The following SMU1 variants were observed in gnomAD, a reference collection of about 807,000 sequenced individuals.
SMU1 encodes the protein WD40 repeat-containing protein SMU1.
In SMU1, 2 loss-of-function variants were observed where a neutral mutation model predicts 62.0. That is an observed-to-expected ratio of 0.03 (90% CI 0.01 to 0.10). The LOEUF (loss-of-function observed/expected upper bound fraction) is 0.10. Ranked by LOEUF, SMU1 falls within the 10% of genes least tolerant of loss-of-function variation. The pLI is 1.00. For synonymous variants in SMU1, 188 were observed against 212.4 expected (o/e 0.89, Z 1.00); for missense variants, 227 against 622.1 (o/e 0.36, Z 6.76).
Position 33,043,512 on chromosome 9 carries a change from A to C in SMU1, c.*3781T>G, listed in dbSNP as rs1016194579. On this transcript the variant is annotated 3_prime_UTR_variant, in exon 12 of 12. Coordinates refer to ENST00000397149, the MANE Select transcript of SMU1 (RefSeq NM_018225.3). ...TGTCTATCACGTGACACTTGTAAGA[A>C]CCACTGTTCTAGCACAAGCCAAAAG... is the stretch of plus-strand genomic sequence containing the variant. 6.6e-6 allele frequency: 1 copy of C among 152,218 alleles called. No individual in the cohort carries two copies. The highest frequency in any genetic ancestry group is 1.9e-4 in the East Asian group (1 of 5,202). The allele number at this position is 152,218 out of a possible 1,614,324, so 9.4% of individuals were successfully genotyped here.
intron 4 of SMU1, among the ~76,000 whole-genome samples, chr9:33,062,761 T>C (rs959028371): frequency 6.6e-6 from 1 of 152,208 alleles, no homozygotes; most frequent in African/African-American, 2.4e-5. Context: ...GCAATGAACA[T>C]CTTTGGACAT....
At chr9:33,056,017 C>T in intron 9 of SMU1, 96 bp downstream of exon 9, 1 of 1,278,954 alleles carries the variant, frequency 7.8e-7, no homozygotes, top group Non-Finnish European at 1.1e-6. Flanking sequence ...AAGAGGTTTA[C>T]TACAGCACAA....
chr9:33,062,031 A>C lies in SMU1; in HGVS notation c.630+18T>G, dbSNP rs1564022847. ...TCAACAAATGATTACTGACTGGCTG[A>C]ATGTCTTAGGATCCTACCTTAATAT... On this transcript the variant is annotated intron_variant, in intron 5 of 11. Transcript: ENST00000397149. 6.2e-7 allele frequency: 1 copy of C among 1,611,588 alleles called. No individual in the cohort carries two copies. The highest frequency in any genetic ancestry group is 1.7e-5 in the Admixed American group (1 of 59,892).
At chr9:33,053,577 C>G (rs1294007210) in intron 9 of SMU1, among the ~76,000 whole-genome samples, 3 of 152,190 alleles carry the variant, frequency 2.0e-5, no homozygotes, top group African/African-American at 7.2e-5. Flanking sequence ...TGCACATCCT[C>G]CTGTATGCTT....
chr9:33,064,182 G>A (rs1839394226), intron 4 of SMU1, among the ~76,000 whole-genome samples: 2 of 152,026 alleles, frequency 1.3e-5, no homozygotes, highest in Non-Finnish European at 2.9e-5. Flanking sequence ...CTGCAGCCTT[G>A]AACTCCTGGG....
chr9:33,065,929 A>T (rs1163484487), intron 4 of SMU1, among the ~76,000 whole-genome samples: 2 of 152,112 alleles, frequency 1.3e-5, no homozygotes, highest in East Asian at 3.9e-4. Flanking sequence ...GAACAGTGAG[A>T]TTTCTCTATC....
intron 6 of SMU1, among the ~76,000 whole-genome samples, chr9:33,058,242 A>T (rs1042662176): frequency 6.6e-6 from 1 of 152,210 alleles, no homozygotes; most frequent in South Asian, 2.1e-4. Flanking sequence ...AGAAACATAT[A>T]AAGTAGAAAG....
At position 33,056,197 on chromosome 9, in the gene SMU1, A is replaced by G; in HGVS notation, c.1038T>C (p.Arg346=). 6.2e-7 allele frequency: 1 copy of G among 1,613,278 alleles called. No homozygotes were observed. Among genetic ancestry groups the G allele is most frequent in the South Asian group, 1.1e-5 (1 of 91,012 alleles). ...LKSGKTLKEF[R]GHSSFVNEAT... ...CTTCGTTAACAAAGGAGGAATGGCC[A>G]CGAAATTCCTTCAGGGTTTTCCCAG... Residue 346 remains arginine, a synonymous_variant, in exon 9 of 12, where the codon CGT becomes CGC. Coordinates refer to ENST00000397149, the MANE Select transcript of SMU1 (RefSeq NM_018225.3).
Position 33,068,580 on chromosome 9 carries a change from C to T in SMU1, c.501+244G>A, listed in dbSNP as rs138585679. Among the ~76,000 whole-genome samples the T allele has an allele frequency of 3.0e-4, 45 of 152,224 alleles. No individual in the cohort carries two copies. The East Asian group carries it at 4.6e-3, about 16-fold the overall frequency. The stretch of plus-strand genomic sequence containing the variant: ...CTGGAGTATAATGGCATGATCATAG[C>T]TGTCATCTCAATCTTCTGGGCTCCA... On this transcript the variant is annotated intron_variant, in intron 4 of 11. Transcript: ENST00000397149.
At chr9:33,054,454 A>G (rs190946786) in intron 9 of SMU1, among the ~76,000 whole-genome samples, 2 of 152,354 alleles carry the variant, frequency 1.3e-5, no homozygotes, top group Admixed American at 1.3e-4. Flanking sequence ...AACAGAAGTC[A>G]CAATGTTAGC....
At chr9:33,074,996 C>T (rs1839529671) in intron 1 of SMU1, among the ~76,000 whole-genome samples, 1 of 152,114 alleles carries the variant, frequency 6.6e-6, no homozygotes, top group African/African-American at 2.4e-5. Flanking sequence ...TGGTCTCAAA[C>T]TTCTGGGCTC....
In SMU1 at chr9:33,044,423, ACTCCTAC is replaced by A; in HGVS notation, c.*2863_*2869del. ...CTACCGGCCCTGGACCCAAGATGGG[ACTCCTAC>A]CTCCGACCACCCGGAGCAGCGGCGC... On this transcript the variant is annotated 3_prime_UTR_variant, in exon 12 of 12. Transcript: ENST00000397149. 6.6e-6 allele frequency: 1 copy of A among 151,976 alleles called. No homozygotes were observed. The highest frequency in any genetic ancestry group is 6.5e-5 in the Admixed American group (1 of 15,286). 9.4% of individuals were successfully genotyped at this position (151,976 alleles called of 1,614,324 possible).
intron 4 of SMU1, 61 bp from the exon 5 acceptor site, chr9:33,062,238 T>G: frequency 1.9e-6 from 3 of 1,544,366 alleles, no homozygotes; most frequent in Admixed American, 4.0e-5. Flanking sequence ...TGGTCATAAG[T>G]GCTCAGAAAC....
chr9:33,075,749 A>G (rs1839538123), intron 1 of SMU1, among the ~76,000 whole-genome samples: 1 of 152,188 alleles, frequency 6.6e-6, no homozygotes, highest in South Asian at 2.1e-4. Flanking sequence ...AAAGTCTCCA[A>G]AAAAGGTCCT....
At chr9:33,060,400 T>G in intron 6 of SMU1, 65 bp downstream of exon 6, 4 of 1,366,112 alleles carry the variant, frequency 2.9e-6, no homozygotes, top group Non-Finnish European at 4.0e-6. Context: ...TTAGAGGCCA[T>G]AGGTAAGTAA....
chr9:33,056,742 G>A (rs764285067), intron 8 of SMU1, 95 bp downstream of exon 8: 65 of 1,329,066 alleles, frequency 4.9e-5, no homozygotes, highest in Non-Finnish European at 6.8e-5. Flanking sequence ...CATGGTAAAA[G>A]CATCATGGTA....
chr9:33,046,368 C>T lies in SMU1; in HGVS notation c.*925G>A, dbSNP rs1178801432. 6.6e-6 allele frequency: 1 copy of T among 152,074 alleles called. No homozygotes were observed. The highest frequency in any genetic ancestry group is 1.5e-5 in the Non-Finnish European group (1 of 68,016). 9.4% of individuals were successfully genotyped at this position (152,074 alleles called of 1,614,324 possible). A position where few individuals can be genotyped will look rare whatever the true frequency, so the allele number is the denominator to read the frequency against. On this transcript the variant is annotated 3_prime_UTR_variant, in exon 12 of 12. Coordinates refer to ENST00000397149, the MANE Select transcript of SMU1 (RefSeq NM_018225.3). ...GGCACAGCTCAGAAGGAGAGGAAGG[C>T]TGAGGGCAGTGAAATGAGAACCTAT...
rs1839140095 is a variant in SMU1, at chr9:33,042,786, T to TA, written c.*4506_*4507insT. 3 of 152,212 alleles carry TA rather than the reference T, an allele frequency of 2.0e-5. No individual in the cohort carries two copies. Among genetic ancestry groups the TA allele is most frequent in the African/African-American group, 7.2e-5 (3 of 41,450 alleles). The allele number at this position is 152,212 out of a possible 1,614,324, so 9.4% of individuals were successfully genotyped here. A position where few individuals can be genotyped will look rare whatever the true frequency, so the allele number is the denominator to read the frequency against. On this transcript the variant is annotated 3_prime_UTR_variant, in exon 12 of 12. Coordinates refer to ENST00000397149, the MANE Select transcript of SMU1 (RefSeq NM_018225.3). ...TGGAACAGAATACCACTGTTAAAAT[T>TA]GCCGTGGAAGGTTAAATAATGGGCA...
intron 4 of SMU1, among the ~76,000 whole-genome samples, chr9:33,066,384 G>C (rs775125516): frequency 1.3e-5 from 2 of 151,532 alleles, no homozygotes; most frequent in Non-Finnish European, 2.9e-5. Context: ...ACTGGACTCA[G>C]TACTCCCACA....
Sources: gnomAD v4.1 joint callset for allele counts (sites outside exome capture counted in the v4.1 genomes callset) on GRCh38, gnomAD v4.1.1 for gene constraint, MANE v1.5 for transcripts, NCBI Gene and HGNC (gene_info 2026-07-23, HGNC 2026-07-21) for gene names.